CEP128: variants seen among roughly 807,000 people sequenced by gnomAD.
CEP128 encodes centrosomal protein 128.
In CEP128, 132 loss-of-function variants were observed where a neutral mutation model predicts 156.7. The ratio of observed to expected loss-of-function variants is 0.84; its 90% CI spans 0.73 to 0.97. The LOEUF is 0.97. CEP128 is among the 50% of genes least tolerant of loss of function. CEP128 has a pLI of 0.00. For synonymous variants in CEP128, 469 were observed against 448.9 expected (o/e 1.04, Z -0.57); for missense variants, 1,252 against 1,281.9 (o/e 0.98, Z 0.36).
chr14:80,801,142 G>C (rs1883820691), intron 13 of CEP128, among the ~76,000 whole-genome samples: 2 of 152,174 alleles, frequency 1.3e-5, no homozygotes, highest in South Asian at 4.1e-4. Flanking sequence ...TTTTGGCTGA[G>C]ATGATGGGGT....
intron 13 of CEP128, among the ~76,000 whole-genome samples, chr14:80,815,178 T>C (rs1884778686): frequency 6.6e-6 from 1 of 152,196 alleles, no homozygotes. Context: ...ATCTGACTGA[T>C]AAACAGAATT....
At chr14:80,638,866 C>T (rs927812521) in intron 19 of CEP128, among the ~76,000 whole-genome samples, 1 of 152,110 alleles carries the variant, frequency 6.6e-6, no homozygotes. Flanking sequence ...ATTTCAACTC[C>T]AGTAGCCCCT....
intron 18 of CEP128, among the ~76,000 whole-genome samples, chr14:80,749,044 T>G (rs1410596175): frequency 6.6e-6 from 1 of 152,176 alleles, no homozygotes; most frequent in Non-Finnish European, 1.5e-5. Context: ...AGTACTGTGC[T>G]GGCTTCAGGT....
intron 23 of CEP128, among the ~76,000 whole-genome samples, chr14:80,524,580 A>T (rs146369724): frequency 9.9e-5 from 15 of 152,128 alleles, no homozygotes; most frequent in Non-Finnish European, 1.5e-4. Context: ...ACTTATTTTC[A>T]TGAAAGGAAT....
In CEP128 at chr14:80,955,833, G is replaced by T. The variant is rs777358636; in HGVS notation, c.-172+2345C>A. 1.2e-6 allele frequency: 2 copies of T among 1,614,184 alleles called. No individual in the cohort carries two copies. The highest frequency in any genetic ancestry group is 1.7e-6 in the Non-Finnish European group (2 of 1,180,038). ...ATATTCAACGCATCCCCAGCTTACC[G>T]CCCAGTACGCAGACTCTGTGAGTAC... is the stretch of plus-strand genomic sequence containing the variant. On this transcript the variant is annotated intron_variant, in intron 2 of 7. Transcript: ENST00000555529.
intron 2 of CEP128, among the ~76,000 whole-genome samples, chr14:80,956,779 CTATT>C (rs1376593611): frequency 6.6e-6 from 1 of 152,140 alleles, no homozygotes; most frequent in African/African-American, 2.4e-5. Context: ...CTCATGAAGA[CTATT>C]TAACAGTAGA....
At chr14:80,835,890 C>G (rs1305975928) in intron 12 of CEP128, among the ~76,000 whole-genome samples, 1 of 152,160 alleles carries the variant, frequency 6.6e-6, no homozygotes, top group Non-Finnish European at 1.5e-5. Context: ...TACACACTTA[C>G]ACATATGCAC....
intron 21 of CEP128, among the ~76,000 whole-genome samples, chr14:80,553,061 G>A (rs1594990180): frequency 2.1e-5 from 3 of 141,230 alleles, no homozygotes; most frequent in East Asian, 2.2e-4. Context: ...TTCACATTTC[G>A]GTTTTCTTTC....
intron 15 of CEP128, among the ~76,000 whole-genome samples, chr14:80,783,143 C>G (rs1043599188): frequency 5.9e-5 from 9 of 152,126 alleles, no homozygotes; most frequent in Non-Finnish European, 1.0e-4. Context: ...TAAAGTCCCT[C>G]CCCTTAACAC....
chr14:80,934,607 C>A (rs1885677511), intron 2 of CEP128, among the ~76,000 whole-genome samples: 1 of 152,158 alleles, frequency 6.6e-6, no homozygotes, highest in Non-Finnish European at 1.5e-5. Context: ...TATTCCCAGG[C>A]CCCAGCATAG....
chr14:80,561,917 T>TATATATATATATATATATATATA (rs1463564179), intron 20 of CEP128, among the ~76,000 whole-genome samples: 1 of 148,100 alleles, frequency 6.8e-6, no homozygotes, highest in Non-Finnish European at 1.5e-5. Flanking sequence ...TATATATTTG[T>TATATATATATATATATATATATA]TTTGTTTTGT....
At chr14:80,737,402 TGAAAAAA>T (rs1177829967) in intron 19 of CEP128, among the ~76,000 whole-genome samples, 3 of 139,510 alleles carry the variant, frequency 2.2e-5, no homozygotes, top group East Asian at 1.9e-4. Flanking sequence ...AGACTCTGTC[TGAAAAAA>T]GAAAAAAGAA....
chr14:80,504,970 T>A lies in CEP128; in HGVS notation c.3123A>T (p.Ser1041=). ...EGSHTRGLDH[S]SSWQDHSRFL... ...AGCGACTGTGATCCTGCCAAGAGGA[T>A]GAGTGATCTAACCCACGAGTGTGGG... The change falls in exon 24 of 25, where the codon TCA becomes TCT. Residue 1041 remains serine (S), a synonymous_variant. Transcript: ENST00000555265. 1 of 1,605,630 alleles carries A rather than the reference T, an allele frequency of 6.2e-7. No individual in the cohort carries two copies. Among genetic ancestry groups the A allele is most frequent in the South Asian group, 1.1e-5 (1 of 89,188 alleles).
At chr14:80,548,424 A>G (rs952717354) in intron 21 of CEP128, among the ~76,000 whole-genome samples, 2 of 152,072 alleles carry the variant, frequency 1.3e-5, no homozygotes, top group Non-Finnish European at 1.5e-5. Context: ...TATTCCCCCC[A>G]CTATATATTG....
intron 2 of CEP128, among the ~76,000 whole-genome samples, chr14:80,918,224 C>A (rs547193527): frequency 6.6e-6 from 1 of 152,226 alleles, no homozygotes; most frequent in Non-Finnish European, 1.5e-5. Flanking sequence ...CTTTAGAAGA[C>A]AAGACATCTT....
chr14:80,575,778 A>G (rs924064750), intron 20 of CEP128, among the ~76,000 whole-genome samples: 5 of 152,186 alleles, frequency 3.3e-5, no homozygotes, highest in African/African-American at 1.2e-4. Flanking sequence ...TACAATATCT[A>G]TATATTGTGC....
At chr14:80,800,108 T>C (rs1244989318) in intron 13 of CEP128, among the ~76,000 whole-genome samples, 1 of 152,180 alleles carries the variant, frequency 6.6e-6, no homozygotes, top group East Asian at 1.9e-4. Context: ...GAGGCTCAGG[T>C]GGGCATCATA....
At chr14:80,702,846 GA>G (rs1215474011) in intron 19 of CEP128, among the ~76,000 whole-genome samples, 2 of 151,250 alleles carry the variant, frequency 1.3e-5, no homozygotes, top group Non-Finnish European at 2.9e-5. Context: ...TCATTATCAG[GA>G]AAAAAAATTC....
intron 16 of CEP128, among the ~76,000 whole-genome samples, chr14:80,777,646 T>G (rs1237122547): frequency 6.6e-6 from 1 of 152,164 alleles, no homozygotes; most frequent in Non-Finnish European, 1.5e-5. Context: ...TAAATTTCTA[T>G]TTTAAGACAG....
Sources: gnomAD v4.1 joint callset for allele counts (sites outside exome capture counted in the v4.1 genomes callset) on GRCh38, gnomAD v4.1.1 for gene constraint, MANE v1.5 for transcripts, NCBI Gene and HGNC (gene_info 2026-07-23, HGNC 2026-07-21) for gene names.